The following NFIB variants were observed in gnomAD, a reference collection of about 807,000 sequenced individuals.
NFIB encodes nuclear factor I B, also known as nuclear factor 1 B-type.
NFIB carries 11 observed loss-of-function variants against 61.5 expected under a neutral mutation model. That is an observed-to-expected ratio of 0.18 (90% CI 0.11 to 0.30). The LOEUF is 0.30. Among genes scored for constraint, NFIB ranks in the 10% least tolerant of loss-of-function variants. NFIB has a pLI of 1.00. For synonymous variants in NFIB, 260 were observed against 216.5 expected (o/e 1.20, Z -1.76); for missense variants, 471 against 608.9 (o/e 0.77, Z 2.38).
At chr9:14,101,510 C>T (rs951514026) in intron 10 of NFIB, among the ~76,000 whole-genome samples, 5 of 152,198 alleles carry the variant, frequency 3.3e-5, no homozygotes, top group Admixed American at 2.0e-4. Flanking sequence ...AGACACTTTC[C>T]GTAAACGGAG....
intron 3 of NFIB, among the ~76,000 whole-genome samples, chr9:14,166,803 A>C (rs1056515426): frequency 6.6e-6 from 1 of 152,138 alleles, no homozygotes; most frequent in South Asian, 2.1e-4. Context: ...TTTTTTCCAC[A>C]GTATCAGTGC....
intron 2 of NFIB, among the ~76,000 whole-genome samples, chr9:14,187,242 G>GT (rs1554666487): frequency 7.1e-6 from 1 of 140,250 alleles, no homozygotes; most frequent in Admixed American, 6.8e-5. Flanking sequence ...GATCTTGTTT[G>GT]TTGTTTGTTT....
chr9:14,097,600 T>C lies in NFIB; in HGVS notation c.1468-9274A>G, dbSNP rs142020298. Among the ~76,000 whole-genome samples the C allele has an allele frequency of 5.5e-3, 836 of 152,242 alleles. 9 individuals carry two copies. Among genetic ancestry groups the C allele is most frequent in the African/African-American group, 0.018 (730 of 41,552 alleles). Reference sequence around the variant, plus strand: ...GCCCTTATCATACGTATGCCACATATATGTGGAGATATACACACACACTAC... The same window carrying C: ...GCCCTTATCATACGTATGCCACATACATGTGGAGATATACACACACACTAC... On this transcript the variant is annotated intron_variant, in intron 10 of 10. Transcript: ENST00000380953.
chr9:14,260,579 A>G (rs375899429), intron 2 of NFIB, among the ~76,000 whole-genome samples: 1 of 152,222 alleles, frequency 6.6e-6, no homozygotes, highest in African/African-American at 2.4e-5. Flanking sequence ...TTGATTTCCC[A>G]TGGAAGACAG....
In NFIB at chr9:14,237,994, C is replaced by T. The variant is rs73415739; in HGVS notation, c.563-58214G>A. On this transcript the variant is annotated intron_variant, in intron 2 of 10. Transcript: ENST00000380953. Reference sequence around the variant, plus strand: ...GGGTAAGAAACAGTAAACCAAGAAACAAATGAATATGAAATATGTGAGGTA... The same window carrying T: ...GGGTAAGAAACAGTAAACCAAGAAATAAATGAATATGAAATATGTGAGGTA... Among the ~76,000 whole-genome samples, 314 of 151,686 alleles carry T rather than the reference C, an allele frequency of 2.1e-3. 1 individual carries two copies. Among genetic ancestry groups the T allele is most frequent in the African/African-American group, 7.4e-3 (304 of 41,316 alleles).
At chr9:14,515,198 A>C in the NFIB span, among the ~76,000 whole-genome samples, 2 of 152,162 alleles carry the variant, frequency 1.3e-5, no homozygotes, top group African/African-American at 2.4e-5. Context: ...TTGGGAAGCT[A>C]TCGCTAAGGT....
In NFIB at chr9:14,084,809, A is replaced by G. The variant is rs1403398903; in HGVS notation, c.*3500T>C. On this transcript the variant is annotated 3_prime_UTR_variant, in exon 11 of 11. Coordinates refer to ENST00000380953, the MANE Select transcript of NFIB (RefSeq NM_001190737.2). ...CCGAAAAGTTGATTTGAGATTTTAT[A>G]TATATAGTAGTACTTTTAATAGTTT... 1 of 228,252 alleles carries G rather than the reference A, an allele frequency of 4.4e-6. No individual in the cohort carries two copies. The highest frequency in any genetic ancestry group is 8.7e-6 in the Non-Finnish European group (1 of 114,948). The allele number at this position is 228,252 out of a possible 1,614,324, so 14.1% of individuals were successfully genotyped here. A position where few individuals can be genotyped will look rare whatever the true frequency, so the allele number is the denominator to read the frequency against.
At chr9:14,322,866 C>T (rs1445770465) in intron 1 of NFIB, among the ~76,000 whole-genome samples, 3 of 151,610 alleles carry the variant, frequency 2.0e-5, no homozygotes, top group African/African-American at 2.4e-5. Flanking sequence ...GTGACCGTCT[C>T]GGGGGCTGCT....
intron 1 of NFIB, among the ~76,000 whole-genome samples, chr9:14,311,279 T>G (rs934614097): frequency 6.6e-6 from 1 of 152,194 alleles, no homozygotes; most frequent in Non-Finnish European, 1.5e-5. Context: ...CAATTAAGAA[T>G]GATACTCTAT....
the NFIB span, among the ~76,000 whole-genome samples, chr9:14,509,546 C>G: frequency 6.6e-6 from 1 of 152,188 alleles, no homozygotes; most frequent in Non-Finnish European, 1.5e-5. Context: ...CATAAGCCAA[C>G]AAACCTGGCA....
intron 2 of NFIB, among the ~76,000 whole-genome samples, chr9:14,187,001 G>A (rs1422183348): frequency 7.0e-6 from 1 of 142,812 alleles, no homozygotes; most frequent in African/African-American, 2.6e-5. Context: ...TTCATTCTTC[G>A]CTCCTGTGTG....
the NFIB span, among the ~76,000 whole-genome samples, chr9:14,422,899 GC>G: frequency 3.3e-5 from 5 of 152,128 alleles, no homozygotes; most frequent in Admixed American, 6.6e-5. Flanking sequence ...GCACATGGAG[GC>G]CCCCAGCCTC....
chr9:14,383,574 T>A, intron 1 of NFIB, among the ~76,000 whole-genome samples: 1 of 152,234 alleles, frequency 6.6e-6, no homozygotes, highest in East Asian at 1.9e-4. Context: ...AAGGGTGGTT[T>A]ACTTTTAAGC....
chr9:14,437,083 C>A, the NFIB span, among the ~76,000 whole-genome samples: 1 of 152,118 alleles, frequency 6.6e-6, no homozygotes, highest in Non-Finnish European at 1.5e-5. Context: ...TGTGTGTGAC[C>A]TTGGACTAGT....
chr9:14,384,434 C>T (rs966749347), intron 1 of NFIB, among the ~76,000 whole-genome samples: 2 of 152,174 alleles, frequency 1.3e-5, no homozygotes, highest in African/African-American at 2.4e-5. Flanking sequence ...TCAGCACTTT[C>T]GAACCTTTCC....
Position 14,156,024 on chromosome 9 carries a change from T to C in NFIB, c.617-131A>G, listed in dbSNP as rs547105222. On this transcript the variant is annotated intron_variant, in intron 3 of 10. Transcript: ENST00000380953. Reference sequence around the variant, plus strand: ...CCAAATATGCTTACAATAAGGACTTTAAAAAATGACTCTTAGGAATGCAAA... The same window carrying C: ...CCAAATATGCTTACAATAAGGACTTCAAAAAATGACTCTTAGGAATGCAAA... 11 of 485,584 alleles carry C rather than the reference T, an allele frequency of 2.3e-5. No homozygotes were observed. In the East Asian group the frequency reaches 3.6e-4, roughly 16 times the overall value. The allele number at this position is 485,584 out of a possible 1,614,324, so 30.1% of individuals were successfully genotyped here. A position where few individuals can be genotyped will look rare whatever the true frequency, so the allele number is the denominator to read the frequency against.
intron 2 of NFIB, among the ~76,000 whole-genome samples, chr9:14,274,203 TTC>T (rs1018745819): frequency 2.0e-5 from 3 of 147,222 alleles, no homozygotes; most frequent in East Asian, 2.0e-4. Context: ...TGATCTTTTC[TTC>T]TCTCTCATGC....
At position 14,293,784 on chromosome 9, in the gene NFIB, C is replaced by T. The variant is rs116623925; in HGVS notation, c.562+13205G>A. 9.0e-3 allele frequency among the ~76,000 whole-genome samples: 1,362 copies of T among 152,176 alleles called. 21 individuals carry two copies. The highest frequency in any genetic ancestry group is 0.031 in the African/African-American group (1,286 of 41,516). On this transcript the variant is annotated intron_variant, in intron 2 of 10. Transcript: ENST00000380953. ...GGATATTAGATTGAAAAACTGTTTCCGTTTCATATTGCATATATCTGGTAT... is the reference window on the plus strand; with the variant it reads ...GGATATTAGATTGAAAAACTGTTTCTGTTTCATATTGCATATATCTGGTAT...
chr9:14,206,915 C>G (rs1482175734), intron 2 of NFIB, among the ~76,000 whole-genome samples: 1 of 152,106 alleles, frequency 6.6e-6, no homozygotes, highest in African/African-American at 2.4e-5. Context: ...TCCAGTGAGG[C>G]TAAATGGTGA....
Sources: allele counts gnomAD v4.1 joint callset (sites outside exome capture counted in the v4.1 genomes callset), GRCh38; gene constraint gnomAD v4.1.1; transcripts MANE v1.5; gene names NCBI Gene and HGNC (gene_info 2026-07-23, HGNC 2026-07-21).